The following LNP1 variants were observed in gnomAD, a reference collection of about 807,000 sequenced individuals.
LNP1 encodes the protein leukemia NUP98 fusion partner 1.
Under a neutral mutation model 14.5 loss-of-function variants are expected in LNP1, and 12 were observed. That is an observed-to-expected ratio of 0.83 (90% CI 0.53 to 1.34). The LOEUF (loss-of-function observed/expected upper bound fraction) is 1.34. Ranked by LOEUF, LNP1 falls within the 40% of genes most tolerant of loss-of-function variation. The pLI is 0.00. For synonymous variants in LNP1, 75 were observed against 71.4 expected (o/e 1.05, Z -0.26); for missense variants, 198 against 210.9 (o/e 0.94, Z 0.38).
intron 1 of LNP1, among the ~76,000 whole-genome samples, chr3:100,428,531 CAA>C (rs552434826): frequency 7.7e-5 from 8 of 103,534 alleles, no homozygotes; most frequent in Non-Finnish European, 1.2e-4. Flanking sequence ...GACTCCATCT[CAA>C]AAAAAAAAAA....
intron 2 of LNP1, among the ~76,000 whole-genome samples, chr3:100,450,291 T>C (rs1214834364): frequency 6.6e-6 from 1 of 150,430 alleles, no homozygotes; most frequent in African/African-American, 2.5e-5. Flanking sequence ...GGTCACTGAG[T>C]GCTCTAATGG....
chr3:100,448,356 C>A (rs2148907825), intron 2 of LNP1, among the ~76,000 whole-genome samples: 1 of 152,282 alleles, frequency 6.6e-6, no homozygotes, highest in South Asian at 2.1e-4. Flanking sequence ...CTGCCTAAAA[C>A]CACAAGATTA....
At chr3:100,415,895 A>G (rs1453955374) in intron 1 of LNP1, among the ~76,000 whole-genome samples, 1 of 152,184 alleles carries the variant, frequency 6.6e-6, no homozygotes, top group Non-Finnish European at 1.5e-5. Flanking sequence ...CATTATCTTG[A>G]CTATCAACAA....
chr3:100,413,552 C>A (rs765747277), intron 1 of LNP1, among the ~76,000 whole-genome samples: 2 of 152,142 alleles, frequency 1.3e-5, no homozygotes, highest in Non-Finnish European at 2.9e-5. Context: ...AAGATCTTTC[C>A]ATCTTCATCA....
At chr3:100,408,090 T>C (rs1336429174) in intron 1 of LNP1, among the ~76,000 whole-genome samples, 1 of 152,250 alleles carries the variant, frequency 6.6e-6, no homozygotes, top group African/African-American at 2.4e-5. Flanking sequence ...TCTGTGTCTT[T>C]AGGGTCTATG....
chr3:100,409,684 G>A lies in LNP1; in HGVS notation c.-34+7245G>A, dbSNP rs186776929. Among the ~76,000 whole-genome samples the A allele has an allele frequency of 8.8e-5, 13 of 147,356 alleles. No homozygotes were observed. In the East Asian group the frequency reaches 1.2e-3, roughly 14 times the overall value. On this transcript the variant is annotated intron_variant, in intron 1 of 3. Transcript: ENST00000383693. The stretch of plus-strand genomic sequence containing the variant: ...GTGATCTCGGCTCACTGCAACTTCC[G>A]CCTCCTGGGTTCAAGCGATTCTGCC...
intron 1 of LNP1, among the ~76,000 whole-genome samples, chr3:100,404,004 A>T (rs919219675): frequency 6.6e-6 from 1 of 152,250 alleles, no homozygotes; most frequent in Non-Finnish European, 1.5e-5. Context: ...ATGTACATAT[A>T]GAACAGCTCT....
Position 100,451,835 on chromosome 3 carries a change from T to C in LNP1, c.273T>C (p.Asp91=), listed in dbSNP as rs1268473078. 1 of 1,208,028 alleles carries C rather than the reference T, an allele frequency of 8.3e-7. No homozygotes were observed. Among genetic ancestry groups the C allele is most frequent in the East Asian group, 7.6e-5 (1 of 13,110 alleles). 74.8% of individuals were successfully genotyped at this position (1,208,028 alleles called of 1,614,324 possible). ...GGGATTACAGAAAATACTCAGAGGA[T>C]GGGTCATTCAAGGAGCCACTGGAAT... ...HVRDYRKYSE[D]GSFKEPLESK... is the part of the protein sequence containing the mutation. Residue 91 remains aspartate, a synonymous_variant, in exon 3 of 4, where the codon GAT becomes GAC. Coordinates refer to ENST00000383693, the MANE Select transcript of LNP1 (RefSeq NM_001085451.2).
intron 2 of LNP1, among the ~76,000 whole-genome samples, chr3:100,446,638 G>C (rs1223535210): frequency 3.9e-5 from 6 of 152,102 alleles, no homozygotes; most frequent in African/African-American, 1.4e-4. Flanking sequence ...CACAGCAAAA[G>C]AAACTACCAT....
intron 2 of LNP1, among the ~76,000 whole-genome samples, chr3:100,431,401 C>T (rs1402414332): frequency 1.3e-5 from 2 of 152,178 alleles, no homozygotes; most frequent in Non-Finnish European, 2.9e-5. Context: ...CTGCTTATCC[C>T]TGCTTCGGGC....
rs1707508992 is a variant in LNP1, at chr3:100,456,173, G to T, written c.*247G>T. 2.9e-6 allele frequency: 1 copy of T among 347,516 alleles called. No homozygotes were observed. The highest frequency in any genetic ancestry group is 2.1e-5 in the African/African-American group (1 of 47,466). The allele number at this position is 347,516 out of a possible 1,614,324, so 21.5% of individuals were successfully genotyped here. ...AATCTGCTTGGTTGCCTTTTTATGG[G>T]AATAAAGAGAATAAAAGGTATTTTA... is the stretch of plus-strand genomic sequence containing the variant. On this transcript the variant is annotated 3_prime_UTR_variant, in exon 4 of 4. Coordinates refer to ENST00000383693, the MANE Select transcript of LNP1 (RefSeq NM_001085451.2).
chr3:100,444,732 CTT>C (rs1194822438), intron 2 of LNP1, among the ~76,000 whole-genome samples: 2 of 152,094 alleles, frequency 1.3e-5, no homozygotes, highest in African/African-American at 4.8e-5. Context: ...AGATAGGAGA[CTT>C]AATTTTCCAA....
At chr3:100,416,911 G>T (rs1291482122) in intron 1 of LNP1, among the ~76,000 whole-genome samples, 1 of 151,914 alleles carries the variant, frequency 6.6e-6, no homozygotes, top group African/African-American at 2.4e-5. Flanking sequence ...AGGCCCAGGT[G>T]TATGTTGTTC....
chr3:100,439,416 G>A (rs988243235), intron 2 of LNP1, among the ~76,000 whole-genome samples: 6 of 151,994 alleles, frequency 3.9e-5, no homozygotes, highest in Non-Finnish European at 7.4e-5. Context: ...CAGCTCTCTT[G>A]GTTCCTCTTG....
At chr3:100,441,626 CT>C (rs1339448298) in intron 2 of LNP1, among the ~76,000 whole-genome samples, 9 of 91,846 alleles carry the variant, frequency 9.8e-5, no homozygotes, top group Non-Finnish European at 2.0e-4. Context: ...TACGCATTAG[CT>C]TTAAATATAT....
intron 2 of LNP1, among the ~76,000 whole-genome samples, chr3:100,436,236 G>A (rs1707293044): frequency 1.3e-5 from 2 of 152,158 alleles, no homozygotes; most frequent in South Asian, 4.1e-4. Context: ...TTGCCACAAA[G>A]GCTTTGTTCT....
intron 2 of LNP1, among the ~76,000 whole-genome samples, chr3:100,434,751 A>G (rs1707277214): frequency 6.7e-6 from 1 of 148,254 alleles, no homozygotes; most frequent in African/African-American, 2.5e-5. Context: ...CTGGTCTTGA[A>G]CTCCTGACCT....
chr3:100,424,158 C>T (rs1707171532), intron 1 of LNP1, among the ~76,000 whole-genome samples: 1 of 152,082 alleles, frequency 6.6e-6, no homozygotes. Context: ...TAGTCCAAAT[C>T]CCTTTTTCTT....
rs79788507 is a variant in LNP1 at position 100,405,654 on chromosome 3, A to G, written c.-34+3215A>G. Reference sequence around the variant, plus strand: ...TCCTATTTTTAAGGGCTCCATCCTCATGATCTAATCACTTCCCAAAGGCCT... The same window carrying G: ...TCCTATTTTTAAGGGCTCCATCCTCGTGATCTAATCACTTCCCAAAGGCCT... On this transcript the variant is annotated intron_variant, in intron 1 of 3. Coordinates refer to ENST00000383693, the MANE Select transcript of LNP1 (RefSeq NM_001085451.2). Among the ~76,000 whole-genome samples, 25 of 152,284 alleles carry G rather than the reference A, an allele frequency of 1.6e-4. No individual in the cohort carries two copies. The East Asian group carries it at 4.6e-3, about 28-fold the overall frequency.
Sources: gnomAD v4.1 joint callset for allele counts (sites outside exome capture counted in the v4.1 genomes callset) on GRCh38, gnomAD v4.1.1 for gene constraint, MANE v1.5 for transcripts, NCBI Gene and HGNC (gene_info 2026-07-23, HGNC 2026-07-21) for gene names.